Variants in FARS2 observed in about 807,000 individuals in gnomAD.
FARS2 encodes phenylalanyl-tRNA synthetase 2, mitochondrial, also known as phenylalanine--tRNA ligase, mitochondrial.
In FARS2, 40 loss-of-function variants were observed where a neutral mutation model predicts 46.4. The ratio of observed to expected loss-of-function variants is 0.86; its 90% confidence interval spans 0.67 to 1.12. FARS2 has a LOEUF of 1.12. FARS2 is among the 50% of genes most tolerant of loss of function. The pLI, the probability that FARS2 is intolerant of heterozygous loss-of-function variation, is 0.00. For synonymous variants in FARS2, 234 were observed against 214.9 expected (o/e 1.09, Z -0.78); for missense variants, 513 against 567.9 (o/e 0.90, Z 0.98).
intron 6 of FARS2, among the ~76,000 whole-genome samples, chr6:5,682,943 G>A (rs1273065266): frequency 6.6e-6 from 1 of 152,194 alleles, no homozygotes; most frequent in Non-Finnish European, 1.5e-5. Flanking sequence ...GAAAGGCTGG[G>A]GACATAGCGG....
At chr6:5,767,909 G>C (rs1391918463) in intron 6 of FARS2, among the ~76,000 whole-genome samples, 1 of 152,214 alleles carries the variant, frequency 6.6e-6, no homozygotes, top group Non-Finnish European at 1.5e-5. Context: ...GACACTTGGA[G>C]TTGGTTGCTG....
In FARS2 at chr6:5,475,923, A is replaced by G. The variant is rs139514492; in HGVS notation, c.904+44751A>G. 5.6e-3 allele frequency among the ~76,000 whole-genome samples: 846 copies of G among 152,238 alleles called. 11 individuals are homozygous for G. Among genetic ancestry groups the G allele is most frequent in the African/African-American group, 0.019 (772 of 41,532 alleles). On this transcript the variant is annotated intron_variant, in intron 4 of 6. Transcript: ENST00000274680. The stretch of plus-strand genomic sequence containing the variant: ...CTCCCATGATTTTGCTCCATTAGCC[A>G]TTCTGTAACTCAGGGAAGGTGTGCC...
intron 5 of FARS2, among the ~76,000 whole-genome samples, chr6:5,561,270 C>T (rs1208611683): frequency 3.3e-5 from 5 of 152,098 alleles, no homozygotes; most frequent in Non-Finnish European, 7.3e-5. Context: ...AAATTTTACA[C>T]ACACTGTTTT....
rs1451177551 is a variant in FARS2 at position 5,699,118 on chromosome 6, C to T, written c.1218-72173C>T. Among the ~76,000 whole-genome samples the T allele has an allele frequency of 2.6e-5, 4 of 152,194 alleles. No individual in the cohort carries two copies. In the East Asian group the frequency reaches 7.7e-4, roughly 29 times the overall value. ...CCTGGTAGGGCCTTTTACAAGCCCA[C>T]CCCATAGCAACAGCCCCCTGTAGAG... On this transcript the variant is annotated intron_variant, in intron 6 of 6. Coordinates refer to ENST00000274680, the MANE Select transcript of FARS2 (RefSeq NM_006567.5).
intron 2 of FARS2, among the ~76,000 whole-genome samples, chr6:5,373,139 C>A (rs924651145): frequency 6.6e-6 from 1 of 152,090 alleles, no homozygotes; most frequent in Non-Finnish European, 1.5e-5. Context: ...AGGGACACAG[C>A]AGTACTTGAG....
chr6:5,573,010 A>G (rs1325768927), intron 5 of FARS2, among the ~76,000 whole-genome samples: 2 of 152,162 alleles, frequency 1.3e-5, no homozygotes, highest in Non-Finnish European at 2.9e-5. Context: ...CAATATCGAA[A>G]ATATTTGTTC....
intron 6 of FARS2, among the ~76,000 whole-genome samples, chr6:5,763,725 C>A (rs991137369): frequency 2.0e-5 from 3 of 151,582 alleles, no homozygotes; most frequent in African/African-American, 4.8e-5. Context: ...AGTCATGAGA[C>A]CCTAAGTCTC....
intron 6 of FARS2, among the ~76,000 whole-genome samples, chr6:5,716,667 A>G (rs1759510505): frequency 1.3e-5 from 2 of 152,240 alleles, no homozygotes; most frequent in South Asian, 4.1e-4. Context: ...GCTGGCTGTA[A>G]TTCAGGGAAC....
chr6:5,517,245 G>T (rs1269549042), intron 4 of FARS2, among the ~76,000 whole-genome samples: 1 of 152,194 alleles, frequency 6.6e-6, no homozygotes, highest in Non-Finnish European at 1.5e-5. Context: ...GTTGTCCATA[G>T]CCACTGGCCA....
At chr6:5,405,706 A>G (rs776915877) in intron 3 of FARS2, among the ~76,000 whole-genome samples, 7 of 151,424 alleles carry the variant, frequency 4.6e-5, no homozygotes, top group Non-Finnish European at 8.8e-5. Context: ...GTTTGCCAAG[A>G]TGGTCTCGAT....
chr6:5,256,075 T>A (rs1764650336), upstream of FARS2, among the ~76,000 whole-genome samples: 1 of 151,724 alleles, frequency 6.6e-6, no homozygotes, highest in Non-Finnish European at 1.5e-5. Context: ...AAAAGGTTGG[T>A]CATGCCAAGA....
chr6:5,547,684 A>G (rs796634006), intron 5 of FARS2, among the ~76,000 whole-genome samples: 6 of 152,216 alleles, frequency 3.9e-5, no homozygotes, highest in African/African-American at 1.4e-4. Flanking sequence ...ATTGGCTGGC[A>G]GTGAGGGTTA....
upstream of FARS2, among the ~76,000 whole-genome samples, chr6:5,260,336 TC>T: frequency 6.6e-6 from 1 of 152,162 alleles, no homozygotes; most frequent in East Asian, 1.9e-4. Context: ...CTGATTTCCA[TC>T]CCTTTTTTCT....
intron 4 of FARS2, among the ~76,000 whole-genome samples, chr6:5,499,117 C>T (rs544032842): frequency 2.6e-5 from 4 of 152,264 alleles, no homozygotes; most frequent in African/African-American, 7.2e-5. Flanking sequence ...AGGCTGGTCA[C>T]GAAGCGGTGC....
At chr6:5,381,199 C>T (rs1259274020) in intron 2 of FARS2, among the ~76,000 whole-genome samples, 1 of 151,734 alleles carries the variant, frequency 6.6e-6, no homozygotes, top group Non-Finnish European at 1.5e-5. Context: ...ACTAAAAATC[C>T]TGTTAGCCAG....
intron 1 of FARS2, among the ~76,000 whole-genome samples, chr6:5,306,494 G>A (rs1279474085): frequency 6.6e-6 from 1 of 152,168 alleles, no homozygotes. Flanking sequence ...AGCAGTTACA[G>A]CTACTGGGTA....
intron 1 of FARS2, among the ~76,000 whole-genome samples, chr6:5,269,481 C>CAA (rs766259294): frequency 8.9e-5 from 12 of 135,576 alleles, no homozygotes; most frequent in African/African-American, 2.7e-4. Flanking sequence ...TGAAAATAAC[C>CAA]AAAAAAAAAA....
chr6:5,624,405 A>C (rs188736368), intron 6 of FARS2, among the ~76,000 whole-genome samples: 6 of 152,264 alleles, frequency 3.9e-5, no homozygotes, highest in Admixed American at 3.3e-4. Context: ...GATTCCCTTC[A>C]GTGCTGTCCT....
At chr6:5,693,355 T>G (rs1362331259) in intron 6 of FARS2, among the ~76,000 whole-genome samples, 2 of 152,200 alleles carry the variant, frequency 1.3e-5, no homozygotes, top group East Asian at 1.9e-4. Context: ...TGGAGCAGCC[T>G]GATGACTTAT....
Sources: gnomAD v4.1 joint callset for allele counts (sites outside exome capture counted in the v4.1 genomes callset) on GRCh38, gnomAD v4.1.1 for gene constraint, MANE v1.5 for transcripts, NCBI Gene and HGNC (gene_info 2026-07-23, HGNC 2026-07-21) for gene names.